CNTLN: variants seen among roughly 807,000 people sequenced by gnomAD.
CNTLN encodes the protein centlein, centrosomal protein.
In CNTLN, 212 loss-of-function variants were observed where a neutral mutation model predicts 180.0. That is an observed-to-expected ratio of 1.18 (90% CI 1.05 to 1.32). CNTLN has a LOEUF of 1.32. Among genes scored for constraint, CNTLN ranks in the 40% most tolerant of loss-of-function variants. The pLI, the probability that CNTLN is intolerant of heterozygous loss-of-function variation, is 0.00. For synonymous variants in CNTLN, 722 were observed against 563.1 expected, an observed-to-expected ratio of 1.28 and a Z score of -3.99; for missense variants, 2,095 against 1,610.9, an observed-to-expected ratio of 1.30 and a Z score of -5.14.
intron 5 of CNTLN, among the ~76,000 whole-genome samples, chr9:17,272,070 C>T (rs1210817372): frequency 1.6e-5 from 2 of 121,914 alleles, no homozygotes; most frequent in African/African-American, 3.1e-5. Context: ...TCTTTCCTTT[C>T]TGTCCTTTCT....
chr9:17,374,902 GC>G (rs1824627396), intron 13 of CNTLN, among the ~76,000 whole-genome samples: 1 of 151,514 alleles, frequency 6.6e-6, no homozygotes, highest in African/African-American at 2.4e-5. Context: ...ATATGATCTA[GC>G]TATCACACTG....
At chr9:17,294,851 G>A (rs1300589306) in intron 6 of CNTLN, among the ~76,000 whole-genome samples, 1 of 41,416 alleles carries the variant, frequency 2.4e-5, no homozygotes, top group African/African-American at 1.3e-4. Context: ...GGGAGGGCGG[G>A]GAGGAGGGAG....
At chr9:17,247,071 C>G (rs777791064) in intron 5 of CNTLN, among the ~76,000 whole-genome samples, 13 of 152,152 alleles carry the variant, frequency 8.5e-5, no homozygotes, top group Non-Finnish European at 1.6e-4. Context: ...TCTCCTGGAG[C>G]TGTGAGCTGC....
rs558653649 is a variant in CNTLN at position 17,295,530 on chromosome 9, A to G, written c.984-2660A>G. On this transcript the variant is annotated intron_variant, in intron 6 of 25. Transcript: ENST00000380647. The stretch of plus-strand genomic sequence containing the variant: ...TGTGCCAGCTGCCTAGTCAGTCCCA[A>G]TGAGAGAACTTGCATACCTCAGTTG... 1.2e-4 allele frequency among the ~76,000 whole-genome samples: 18 copies of G among 151,786 alleles called. No homozygotes were observed. In the South Asian group the frequency reaches 1.7e-3, roughly 14 times the overall value.
At chr9:17,142,724 C>T (rs1818190937) in intron 1 of CNTLN, among the ~76,000 whole-genome samples, 1 of 152,138 alleles carries the variant, frequency 6.6e-6, no homozygotes, top group African/African-American at 2.4e-5. Context: ...GCCAATTAAT[C>T]AGAATCTCTA....
intron 2 of CNTLN, among the ~76,000 whole-genome samples, chr9:17,196,821 T>G (rs949583892): frequency 6.6e-6 from 1 of 151,980 alleles, no homozygotes; most frequent in Non-Finnish European, 1.5e-5. Context: ...GTAAATGGGG[T>G]GTACATTACC....
chr9:17,262,499 T>G (rs1220519553), intron 5 of CNTLN, among the ~76,000 whole-genome samples: 2 of 151,452 alleles, frequency 1.3e-5, no homozygotes, highest in Non-Finnish European at 2.9e-5. Context: ...CTGCATGTTC[T>G]CACTCATAAG....
intron 2 of CNTLN, among the ~76,000 whole-genome samples, chr9:17,195,395 T>A (rs988414679): frequency 6.6e-6 from 1 of 152,288 alleles, no homozygotes; most frequent in Non-Finnish European, 1.5e-5. Context: ...TTTCCTTGTA[T>A]CCTTTGCTTC....
At position 17,503,766 on chromosome 9, in the gene CNTLN, G is replaced by T. The variant is rs1210076882; in HGVS notation, c.*1114G>T. 6.6e-6 allele frequency: 1 copy of T among 152,594 alleles called. No individual in the cohort carries two copies. The highest frequency in any genetic ancestry group is 1.9e-4 in the East Asian group (1 of 5,194). The allele number at this position is 152,594 out of a possible 1,614,324, so 9.5% of individuals were successfully genotyped here. On this transcript the variant is annotated 3_prime_UTR_variant, in exon 26 of 26. Transcript: ENST00000380647. ...AGATTATAGCCTGCAGGGCGAATCT[G>T]GCCTGCCACCTGTTTTGTATGGCCC...
chr9:17,515,967 A>G, the CNTLN span, among the ~76,000 whole-genome samples: 2 of 151,902 alleles, frequency 1.3e-5, no homozygotes, highest in Admixed American at 6.6e-5. Context: ...GTTCTCTATC[A>G]CACTTCATCT....
At chr9:17,282,260 G>A (rs1444540072) in intron 6 of CNTLN, among the ~76,000 whole-genome samples, 2 of 152,074 alleles carry the variant, frequency 1.3e-5, no homozygotes, top group Admixed American at 6.6e-5. Context: ...GTGCCTGGCT[G>A]ACTTCTTAAT....
chr9:17,137,981 A>T (rs996693834), intron 1 of CNTLN, among the ~76,000 whole-genome samples: 9 of 152,200 alleles, frequency 5.9e-5, no homozygotes, highest in African/African-American at 2.2e-4. Context: ...ATTAATTTCA[A>T]TGAGGGAAGA....
In CNTLN at chr9:17,233,036, TA is replaced by T. The variant is rs1348360218; in HGVS notation, c.535-2615del. ...AGATGCTATTTGTACTTACTGGATT[TA>T]AAAAAATTTCCAACCCTGAGAGTTA... On this transcript the variant is annotated intron_variant, in intron 3 of 25. Coordinates refer to ENST00000380647, the MANE Select transcript of CNTLN (RefSeq NM_017738.4). Among the ~76,000 whole-genome samples the T allele has an allele frequency of 2.0e-5, 3 of 152,034 alleles. No homozygotes were observed. In the East Asian group the frequency reaches 5.8e-4, roughly 29 times the overall value.
chr9:17,306,076 A>G (rs1474281355), intron 7 of CNTLN, among the ~76,000 whole-genome samples: 1 of 152,068 alleles, frequency 6.6e-6, no homozygotes, highest in Non-Finnish European at 1.5e-5. Flanking sequence ...CTGAATAGGA[A>G]TGCAACTGCT....
At chr9:17,517,437 A>T in the CNTLN span, among the ~76,000 whole-genome samples, 3,870 of 152,064 alleles carry the variant, frequency 0.025, 72 homozygotes, top group Non-Finnish European at 0.043. Flanking sequence ...AAATAAAAAT[A>T]AATGAAAAAA....
intron 8 of CNTLN, among the ~76,000 whole-genome samples, chr9:17,313,637 A>C (rs1235513314): frequency 1.3e-5 from 2 of 151,964 alleles, no homozygotes. Flanking sequence ...TGGTTTGCTG[A>C]GCTTCTTGAT....
intron 6 of CNTLN, among the ~76,000 whole-genome samples, chr9:17,294,329 A>C (rs544409506): frequency 4.7e-4 from 71 of 151,954 alleles, no homozygotes; most frequent in Non-Finnish European, 8.2e-4. Context: ...CATTTTACAG[A>C]GAGCCGATTG....
chr9:17,211,703 C>T (rs541222372), intron 2 of CNTLN, among the ~76,000 whole-genome samples: 2 of 151,706 alleles, frequency 1.3e-5, no homozygotes, highest in African/African-American at 4.8e-5. Context: ...AATGTTCTTC[C>T]ATTTGTTTAT....
intron 18 of CNTLN, among the ~76,000 whole-genome samples, chr9:17,426,798 A>C (rs186861676): frequency 1.4e-4 from 22 of 152,080 alleles, no homozygotes; most frequent in Non-Finnish European, 2.6e-4. Flanking sequence ...TCAGCAAATT[A>C]AAATTGTAAT....
Sources: gnomAD v4.1 joint callset for allele counts (sites outside exome capture counted in the v4.1 genomes callset) on GRCh38, gnomAD v4.1.1 for gene constraint, MANE v1.5 for transcripts, NCBI Gene and HGNC (gene_info 2026-07-23, HGNC 2026-07-21) for gene names.